SLC5A11: variants seen among roughly 807,000 people sequenced by gnomAD.
SLC5A11 encodes the protein solute carrier family 5 member 11.
Under a neutral mutation model 69.8 loss-of-function variants are expected in SLC5A11, and 48 were observed. That is an observed-to-expected ratio of 0.69 (90% CI 0.55 to 0.87). The LOEUF is 0.87. SLC5A11 is among the 40% of genes least tolerant of loss of function. The probability of loss-of-function intolerance (pLI) is 0.00; values close to 1 mark genes in which losing one functional copy is unlikely to be tolerated. For missense variants in SLC5A11, 784 were observed against 866.1 expected (o/e 0.91, Z 1.19); for synonymous variants, 319 against 342.4 (o/e 0.93, Z 0.75).
At chr16:24,908,219 G>A in intron 13 of SLC5A11, 88 bp downstream of exon 14, 1 of 1,438,012 alleles carries the variant, frequency 7.0e-7, no homozygotes, top group Non-Finnish European at 9.3e-7. Context: ...GTTGGAGGGA[G>A]ACACAGGCTG....
intron 7 of SLC5A11, among the ~76,000 whole-genome samples, chr16:24,877,939 G>A (rs567039159): frequency 5.9e-5 from 9 of 152,184 alleles, no homozygotes; most frequent in East Asian, 5.8e-4. Context: ...AGCCAAGATC[G>A]CGCCACTGCA....
At chr16:24,875,328 G>A (rs2047597460) in intron 5 of SLC5A11, among the ~76,000 whole-genome samples, 1 of 152,108 alleles carries the variant, frequency 6.6e-6, no homozygotes, top group Non-Finnish European at 1.5e-5. Context: ...GGGACTACAG[G>A]CGCCTGTCAC....
chr16:24,859,737 C>A (rs920262014), intron 2 of SLC5A11, among the ~76,000 whole-genome samples: 3 of 152,182 alleles, frequency 2.0e-5, no homozygotes, highest in Non-Finnish European at 4.4e-5. Context: ...CATTCCTTAT[C>A]TTCTTAAAAG....
chr16:24,883,131 G>A lies in SLC5A11; in HGVS notation c.584-920G>A, dbSNP rs1432930241. 5.9e-5 allele frequency among the ~76,000 whole-genome samples: 9 copies of A among 152,312 alleles called. No homozygotes were observed. The South Asian group carries it at 1.0e-3, about 18-fold the overall frequency. On this transcript the variant is annotated intron_variant, in intron 7 of 15. Transcript: ENST00000347898. ...CGTAATCCCAGCACCTTGGGAGGCC[G>A]AGGCAGGAGGACTGTTTGAAGCCAG...
intron 4 of SLC5A11, 116 bp from the exon 6 acceptor site, chr16:24,872,044 A>C: frequency 6.9e-6 from 8 of 1,153,178 alleles, no homozygotes; most frequent in Non-Finnish European, 1.0e-5. Context: ...TCAGCGAGTA[A>C]GAGACTACAC....
chr16:24,868,842 G>T, intron 3 of SLC5A11, among the ~76,000 whole-genome samples: 1 of 144,410 alleles, frequency 6.9e-6, no homozygotes, highest in Non-Finnish European at 1.5e-5. Flanking sequence ...TTTTCTTCTT[G>T]CTCCCTCCTT....
At chr16:24,898,680 AG>A (rs1412578186) in intron 10 of SLC5A11, among the ~76,000 whole-genome samples, 1 of 151,860 alleles carries the variant, frequency 6.6e-6, no homozygotes, top group Non-Finnish European at 1.5e-5. Context: ...CACCATGCCC[AG>A]CTAATTTTTT....
At chr16:24,894,243 C>T (rs2049000628) in intron 9 of SLC5A11, among the ~76,000 whole-genome samples, 1 of 152,148 alleles carries the variant, frequency 6.6e-6, no homozygotes, top group South Asian at 2.1e-4. Context: ...GGGAACCCAC[C>T]CCCAGCTGCA....
chr16:24,864,415 G>A (rs2046791300), intron 3 of SLC5A11, among the ~76,000 whole-genome samples: 1 of 152,168 alleles, frequency 6.6e-6, no homozygotes, highest in Non-Finnish European at 1.5e-5. Flanking sequence ...AAAGAATTCA[G>A]ACTTCATAAA....
chr16:24,886,703 A>C (rs1259237121), intron 8 of SLC5A11, among the ~76,000 whole-genome samples: 5 of 152,182 alleles, frequency 3.3e-5, no homozygotes, highest in African/African-American at 1.2e-4. Flanking sequence ...AATACTAAAG[A>C]ATACAGACAG....
chr16:24,883,628 A>G (rs2152339883), intron 7 of SLC5A11, among the ~76,000 whole-genome samples: 1 of 152,300 alleles, frequency 6.6e-6, no homozygotes, highest in South Asian at 2.1e-4. Context: ...CCTCACTCAC[A>G]TGGCTGGTGT....
chr16:24,906,998 G>T (rs1286873828), intron 11 of SLC5A11, 27 bp from the exon 13 acceptor site: 21 of 1,608,782 alleles, frequency 1.3e-5, no homozygotes, highest in Non-Finnish European at 1.7e-5. Context: ...AAAGGACCGA[G>T]GCCCATGACC....
chr16:24,858,525 T>C, intron 1 of SLC5A11, 95 bp from the exon 3 acceptor site: 1 of 1,097,422 alleles, frequency 9.1e-7, no homozygotes. Context: ...TCCACATGGG[T>C]CCTCTTTCAT....
Position 24,896,942 on chromosome 16 carries a change from CTTTTTTTTTTTTT to C in SLC5A11, c.871-1016_871-1004del, listed in dbSNP as rs869210839. On this transcript the variant is annotated intron_variant, in intron 9 of 15. Transcript: ENST00000347898. ...CACCAGGAGTTAGACAACCTCCTTC[CTTTTTTTTTTTTT>C]TTTTTTTTTTTTTTTGAGACAGAGT... Among the ~76,000 whole-genome samples the C allele has an allele frequency of 3.1e-5, 3 of 97,092 alleles. 1 individual carries two copies. The highest frequency in any genetic ancestry group is 5.0e-5 in the African/African-American group (1 of 19,916). 63.7% of individuals were successfully genotyped at this position (97,092 alleles called of 152,430 possible).
chr16:24,895,074 A>G lies in SLC5A11; in HGVS notation c.871-2900A>G, dbSNP rs572336220. On this transcript the variant is annotated intron_variant, in intron 9 of 15. Coordinates refer to ENST00000347898, the Ensembl canonical transcript of SLC5A11. Reference sequence around the variant, plus strand: ...CTGGAGTTCAAGGCTGCAGTCAGCCATGATTGCACCACTGCACTCCAATCT... The same window carrying G: ...CTGGAGTTCAAGGCTGCAGTCAGCCGTGATTGCACCACTGCACTCCAATCT... Among the ~76,000 whole-genome samples the G allele has an allele frequency of 1.5e-4, 23 of 151,752 alleles. No individual in the cohort carries two copies. The East Asian group carries it at 4.5e-3, about 29-fold the overall frequency.
intron 7 of SLC5A11, among the ~76,000 whole-genome samples, chr16:24,880,263 C>CA (rs898940656): frequency 6.6e-6 from 1 of 152,118 alleles, no homozygotes; most frequent in African/African-American, 2.4e-5. Context: ...TGGTGGAAGG[C>CA]AAAGGGGAAG....
chr16:24,888,070 C>G (rs2048501382), intron 8 of SLC5A11, among the ~76,000 whole-genome samples: 2 of 152,020 alleles, frequency 1.3e-5, no homozygotes, highest in African/African-American at 4.8e-5. Flanking sequence ...AAGCGTTCTC[C>G]TATCATGAAT....
intron 10 of SLC5A11, among the ~76,000 whole-genome samples, chr16:24,905,626 A>ACGCG (rs1491417445): frequency 3.6e-5 from 3 of 84,166 alleles, no homozygotes; most frequent in South Asian, 3.6e-4. Context: ...CATCTCAAAA[A>ACGCG]CACGCGCGCG....
intron 6 of SLC5A11, 42 bp from the exon 8 acceptor site, chr16:24,877,216 C>G (rs185207035): frequency 6.2e-7 from 1 of 1,606,636 alleles, no homozygotes; most frequent in African/African-American, 1.3e-5. Flanking sequence ...CTCATTCATT[C>G]ATTCGTTCAT....
Sources: gnomAD v4.1 joint callset for allele counts (sites outside exome capture counted in the v4.1 genomes callset) on GRCh38, gnomAD v4.1.1 for gene constraint, MANE v1.5 for transcripts, NCBI Gene and HGNC (gene_info 2026-07-23, HGNC 2026-07-21) for gene names.